PDE4D: variants seen among roughly 807,000 people sequenced by gnomAD.
PDE4D encodes 3',5'-cyclic-AMP phosphodiesterase 4D.
Under a neutral mutation model 87.4 loss-of-function variants are expected in PDE4D, and 24 were observed. That is an observed-to-expected ratio of 0.27 (90% CI 0.20 to 0.39). The LOEUF (loss-of-function observed/expected upper bound fraction) is 0.39, where lower values mean the gene tolerates loss of function less well. Ranked by LOEUF, PDE4D falls within the 10% of genes least tolerant of loss-of-function variation. The pLI is 1.00. For missense variants in PDE4D, 714 were observed against 1,041.0 expected, an observed-to-expected ratio of 0.69 and a Z score of 4.32; for synonymous variants, 384 against 383.2, an observed-to-expected ratio of 1.00 and a Z score of -0.02.
intron 5 of PDE4D, among the ~76,000 whole-genome samples, chr5:59,131,603 C>A (rs73758103): frequency 1.3e-4 from 4 of 31,772 alleles, no homozygotes; most frequent in East Asian, 6.4e-4. Flanking sequence ...TTAAAACACA[C>A]ACACACACAC....
chr5:60,454,967 A>G (rs1200657680), intron 1 of PDE4D, among the ~76,000 whole-genome samples: 1 of 151,946 alleles, frequency 6.6e-6, no homozygotes, highest in Non-Finnish European at 1.5e-5. Context: ...AGAGACAAAA[A>G]CCCAGAGACA....
At chr5:60,252,436 C>G (rs889785178) in intron 1 of PDE4D, among the ~76,000 whole-genome samples, 4 of 139,630 alleles carry the variant, frequency 2.9e-5, no homozygotes, top group South Asian at 4.4e-4. Flanking sequence ...TAGCTATAGA[C>G]TCACTCCAGT....
chr5:59,105,872 T>C (rs1049495455), intron 5 of PDE4D, among the ~76,000 whole-genome samples: 1 of 152,270 alleles, frequency 6.6e-6, no homozygotes, highest in African/African-American at 2.4e-5. Context: ...AGAGATGTGA[T>C]AGAGAATCTC....
At chr5:59,789,449 C>T (rs1019917898) in intron 1 of PDE4D, among the ~76,000 whole-genome samples, 4 of 152,168 alleles carry the variant, frequency 2.6e-5, no homozygotes, top group Non-Finnish European at 5.9e-5. Flanking sequence ...AGTGATGAGC[C>T]TGCGTGATGT....
chr5:60,278,542 T>C (rs1343973529), intron 1 of PDE4D, among the ~76,000 whole-genome samples: 1 of 152,152 alleles, frequency 6.6e-6, no homozygotes, highest in Admixed American at 6.5e-5. Flanking sequence ...AGATCTTTTG[T>C]TATAATTACA....
Position 59,743,658 on chromosome 5 carries a change from C to G in PDE4D, c.455+149510G>C, listed in dbSNP as rs1320694022. On this transcript the variant is annotated intron_variant, in intron 1 of 14. Transcript: ENST00000340635. ...TTAAAAATAGAACTATCTTAAGACA[C>G]ACTTAGATATATATCCCAAAAGAAT... Among the ~76,000 whole-genome samples, 6 of 152,226 alleles carry G rather than the reference C, an allele frequency of 3.9e-5. No homozygotes were observed. In the East Asian group the frequency reaches 1.2e-3, roughly 29 times the overall value.
At chr5:59,463,302 C>T (rs1801055119) in intron 1 of PDE4D, among the ~76,000 whole-genome samples, 1 of 152,144 alleles carries the variant, frequency 6.6e-6, no homozygotes, top group Admixed American at 6.6e-5. Flanking sequence ...TAAATCTTTA[C>T]TGATTATAGT....
intron 11 of PDE4D, among the ~76,000 whole-genome samples, chr5:58,986,325 C>T (rs1193810839): frequency 1.3e-5 from 2 of 152,188 alleles, no homozygotes; most frequent in East Asian, 3.9e-4. Context: ...GCCTTGTTAG[C>T]TTAAATGGCA....
At chr5:60,171,068 A>G (rs1235179476) in intron 2 of PDE4D, among the ~76,000 whole-genome samples, 4 of 152,038 alleles carry the variant, frequency 2.6e-5, no homozygotes, top group Non-Finnish European at 4.4e-5. Context: ...AAGTTAAAAT[A>G]TAGTGGAATT....
intron 11 of PDE4D, among the ~76,000 whole-genome samples, chr5:58,978,660 A>G (rs1169340489): frequency 1.3e-5 from 2 of 152,152 alleles, no homozygotes; most frequent in Non-Finnish European, 2.9e-5. Context: ...AGAAATACAA[A>G]TTTGCACACT....
chr5:59,339,465 T>C, intron 1 of PDE4D, among the ~76,000 whole-genome samples: 1 of 152,210 alleles, frequency 6.6e-6, no homozygotes, highest in East Asian at 1.9e-4. Flanking sequence ...AGGTGTTCTG[T>C]GGCAAAAGAA....
intron 1 of PDE4D, among the ~76,000 whole-genome samples, chr5:59,878,338 A>G (rs1436929667): frequency 6.6e-6 from 1 of 152,218 alleles, no homozygotes; most frequent in Non-Finnish European, 1.5e-5. Flanking sequence ...GCGTTTTCAA[A>G]TGTTTGCCTT....
chr5:59,761,534 CTTTTAT>C (rs949813695), intron 1 of PDE4D, among the ~76,000 whole-genome samples: 1 of 151,982 alleles, frequency 6.6e-6, no homozygotes, highest in Non-Finnish European at 1.5e-5. Context: ...ATTCTATAAG[CTTTTAT>C]TTTTAATTTT....
chr5:60,137,459 TG>T (rs1164213388), intron 2 of PDE4D, among the ~76,000 whole-genome samples: 1 of 152,190 alleles, frequency 6.6e-6, no homozygotes, highest in Non-Finnish European at 1.5e-5. Context: ...CAGCATCTGT[TG>T]TTTTTTGACT....
intron 3 of PDE4D, among the ~76,000 whole-genome samples, chr5:59,984,902 C>A (rs1762265691): frequency 1.3e-5 from 2 of 151,948 alleles, no homozygotes; most frequent in Admixed American, 1.3e-4. Flanking sequence ...TGAAAAGTCG[C>A]CTTGACCATC....
At chr5:59,520,261 AAAAC>A (rs942787552) in intron 1 of PDE4D, among the ~76,000 whole-genome samples, 27 of 152,276 alleles carry the variant, frequency 1.8e-4, no homozygotes, top group African/African-American at 5.8e-4. Context: ...AGATTCTATC[AAAAC>A]AAACAAACAA....
intron 1 of PDE4D, among the ~76,000 whole-genome samples, chr5:60,315,976 T>C (rs1001969570): frequency 6.6e-6 from 1 of 152,192 alleles, no homozygotes; most frequent in Non-Finnish European, 1.5e-5. Flanking sequence ...GTGGGCTCTT[T>C]TTTGGTTCCA....
At chr5:59,646,525 C>T (rs1742473274) in intron 1 of PDE4D, among the ~76,000 whole-genome samples, 1 of 152,060 alleles carries the variant, frequency 6.6e-6, no homozygotes, top group African/African-American at 2.4e-5. Context: ...ATTCCTTATA[C>T]AACATTTTTA....
At chr5:60,463,357 TACACACAGAC>T (rs1344479212) in intron 1 of PDE4D, among the ~76,000 whole-genome samples, 13 of 152,058 alleles carry the variant, frequency 8.5e-5, no homozygotes, top group South Asian at 2.1e-4. Context: ...TCTTGCACAA[TACACACAGAC>T]ACACACAGAC....
Sources: allele counts gnomAD v4.1 joint callset (sites outside exome capture counted in the v4.1 genomes callset), GRCh38; gene constraint gnomAD v4.1.1; transcripts MANE v1.5; gene names NCBI Gene and HGNC (gene_info 2026-07-23, HGNC 2026-07-21).